Variants in ADGRV1 observed in about 807,000 individuals in gnomAD.
ADGRV1 encodes G-protein coupled receptor 98.
ADGRV1 carries 359 observed loss-of-function variants against 596.2 expected under a neutral mutation model. That is an observed-to-expected ratio of 0.60 (90% CI 0.55 to 0.66). ADGRV1 has a LOEUF of 0.66. ADGRV1 is among the 30% of genes least tolerant of loss of function. The pLI is 0.00. For synonymous variants in ADGRV1, 2,681 were observed against 2,679.2 expected (o/e 1.00, Z -0.02); for missense variants, 7,274 against 7,575.6 (o/e 0.96, Z 1.48).
At chr5:91,136,025 T>A (rs1179550299) in intron 87 of ADGRV1, among the ~76,000 whole-genome samples, 1 of 152,088 alleles carries the variant, frequency 6.6e-6, no homozygotes, top group African/African-American at 2.4e-5. Context: ...TCTTGAGGAA[T>A]TGAAAGTATG....
intron 83 of ADGRV1, among the ~76,000 whole-genome samples, chr5:90,942,024 A>T (rs377079582): frequency 6.4e-4 from 98 of 152,310 alleles, no homozygotes; most frequent in African/African-American, 2.1e-3. Flanking sequence ...GGGGTAAGGA[A>T]TTGTCCAGAA....
intron 64 of ADGRV1, 92 bp downstream of exon 64, chr5:90,779,189 A>G (rs1246860920): frequency 1.5e-6 from 1 of 684,432 alleles, no homozygotes; most frequent in East Asian, 2.7e-5. Context: ...TGAGCTCTAA[A>G]GCAGTTCTTT....
At chr5:90,861,428 G>A (rs1400606558) in intron 82 of ADGRV1, among the ~76,000 whole-genome samples, 1 of 151,942 alleles carries the variant, frequency 6.6e-6, no homozygotes, top group Non-Finnish European at 1.5e-5. Flanking sequence ...TCCTGCCTCA[G>A]CCTCCCGGGT....
Position 90,807,703 on chromosome 5 carries a change from G to A in ADGRV1, c.14938G>A (p.Val4980Met), listed in dbSNP as rs1762036028. 13 of 1,587,418 alleles carry A rather than the reference G, an allele frequency of 8.2e-6. No individual in the cohort carries two copies. The highest frequency in any genetic ancestry group is 1.1e-5 in the Non-Finnish European group (13 of 1,162,470). ...GGCCTTTGTTCTTCACCTATCAGGA[G>A]TGCAGAGCAGTGCTCCTGGCGGAGC... ...PEAFVLHLSG[V>M]QSSAPGGAQL... The change falls in exon 73 of 90, where the codon GTG (valine) becomes ATG (methionine). Residue 4980 changes from valine (V) to methionine (M), a missense_variant. Physicochemically the swap from Val to Met is conservative, Grantham distance 21. Around this residue, in one of 5 missense-constraint regions of ADGRV1, gnomAD observed 1,874 missense variants for 1,970.2 expected, o/e 0.95. Coordinates refer to ENST00000405460, the MANE Select transcript of ADGRV1 (RefSeq NM_032119.4).
chr5:90,786,837 T>A (rs1561730109), intron 67 of ADGRV1, among the ~76,000 whole-genome samples: 1 of 152,196 alleles, frequency 6.6e-6, no homozygotes. Context: ...TCTTCTGAGA[T>A]ACTACTGACA....
At chr5:90,992,865 T>C (rs951738526) in intron 85 of ADGRV1, among the ~76,000 whole-genome samples, 3 of 152,194 alleles carry the variant, frequency 2.0e-5, no homozygotes, top group African/African-American at 7.2e-5. Flanking sequence ...TCAATTCTTT[T>C]TACTTTTAAG....
intron 70 of ADGRV1, among the ~76,000 whole-genome samples, chr5:90,798,384 G>A (rs987786291): frequency 6.6e-6 from 1 of 152,102 alleles, no homozygotes. Context: ...GGAAGAAGTC[G>A]AATCCCTGAA....
chr5:90,576,967 G>GT (rs1449621299), intron 1 of ADGRV1, among the ~76,000 whole-genome samples: 7 of 151,722 alleles, frequency 4.6e-5, no homozygotes, highest in East Asian at 1.9e-4. Context: ...GGGGTTGTTT[G>GT]TTTTTTTTCT....
intron 87 of ADGRV1, among the ~76,000 whole-genome samples, chr5:91,136,074 C>T (rs553767919): frequency 2.0e-5 from 3 of 152,092 alleles, no homozygotes; most frequent in East Asian, 1.9e-4. Context: ...TCTGAGGCAG[C>T]GGGTGGCCTT....
At chr5:91,105,112 A>G (rs565500291) in intron 87 of ADGRV1, among the ~76,000 whole-genome samples, 1 of 151,574 alleles carries the variant, frequency 6.6e-6, no homozygotes, top group African/African-American at 2.4e-5. Context: ...CAAGCAATCC[A>G]CTCATCTTGG....
intron 85 of ADGRV1, among the ~76,000 whole-genome samples, chr5:91,035,655 T>A (rs1464178374): frequency 6.6e-6 from 1 of 151,496 alleles, no homozygotes; most frequent in Non-Finnish European, 1.5e-5. Flanking sequence ...TGGATATGAA[T>A]GATATAGATG....
At chr5:91,026,266 G>A (rs1784011424) in intron 85 of ADGRV1, among the ~76,000 whole-genome samples, 1 of 152,046 alleles carries the variant, frequency 6.6e-6, no homozygotes, top group African/African-American at 2.4e-5. Flanking sequence ...ATGATGCCAA[G>A]AAAGGAAATA....
At chr5:90,949,051 A>T (rs1387467573) in intron 83 of ADGRV1, among the ~76,000 whole-genome samples, 2 of 151,464 alleles carry the variant, frequency 1.3e-5, no homozygotes, top group Admixed American at 6.6e-5. Context: ...ATACGACAAT[A>T]AAAAAAGTGA....
chr5:90,894,045 A>G (rs1460709665), intron 83 of ADGRV1, among the ~76,000 whole-genome samples: 1 of 152,216 alleles, frequency 6.6e-6, no homozygotes, highest in Non-Finnish European at 1.5e-5. Flanking sequence ...ACCCTAATAA[A>G]GACTCAAAAT....
intron 83 of ADGRV1, among the ~76,000 whole-genome samples, chr5:90,955,002 C>T (rs180896532): frequency 6.6e-6 from 1 of 152,004 alleles, no homozygotes; most frequent in East Asian, 1.9e-4. Flanking sequence ...CAGTGAAGCC[C>T]TCATGACCGA....
At chr5:91,162,652 G>A (rs1797053674) in intron 89 of ADGRV1, among the ~76,000 whole-genome samples, 1 of 152,230 alleles carries the variant, frequency 6.6e-6, no homozygotes, top group Non-Finnish European at 1.5e-5. Flanking sequence ...CAGAAGCAAA[G>A]AGAGGAAGTG....
At chr5:90,586,285 G>A (rs1758749083) in intron 1 of ADGRV1, among the ~76,000 whole-genome samples, 1 of 152,170 alleles carries the variant, frequency 6.6e-6, no homozygotes, top group Non-Finnish European at 1.5e-5. Flanking sequence ...CATAACTACA[G>A]TGCTTTTATC....
chr5:90,567,332 G>C (rs143979435), intron 1 of ADGRV1, among the ~76,000 whole-genome samples: 2,521 of 151,928 alleles, frequency 0.017, 29 homozygotes, highest in Non-Finnish European at 0.025. Flanking sequence ...CTTATAAAAT[G>C]GTTTGGGAAG....
At chr5:90,753,513 T>C in intron 53 of ADGRV1, 61 bp from the exon 54 acceptor site, 1 of 1,234,968 alleles carries the variant, frequency 8.1e-7, no homozygotes, top group Non-Finnish European at 1.1e-6. Flanking sequence ...ATTTTTAAAA[T>C]ATTCTTACTA....
Sources: allele counts gnomAD v4.1 joint callset (sites outside exome capture counted in the v4.1 genomes callset), GRCh38; gene constraint gnomAD v4.1.1; regional missense constraint gnomAD v4.1.1; transcripts MANE v1.5; gene names NCBI Gene and HGNC (gene_info 2026-07-23, HGNC 2026-07-21).